Variants in SRCIN1 observed in about 807,000 individuals in gnomAD.
The protein encoded by SRCIN1 is P130Cas-associated protein.
Under a neutral mutation model 116.2 loss-of-function variants are expected in SRCIN1, and 50 were observed. The observed-to-expected ratio is 0.43, with a 90% CI of 0.34 to 0.54. The LOEUF (loss-of-function observed/expected upper bound fraction) is 0.54, where lower values mean the gene tolerates loss of function less well. Ranked by LOEUF, SRCIN1 falls within the 20% of genes least tolerant of loss-of-function variation. The pLI is 0.02. For synonymous variants in SRCIN1, 736 were observed against 750.0 expected (o/e 0.98, Z 0.30); for missense variants, 1,446 against 1,672.0 (o/e 0.86, Z 2.36).
Position 38,563,768 on chromosome 17 carries a change from G to A in SRCIN1, c.542-247C>T. The stretch of plus-strand genomic sequence containing the variant: ...TTGAAGGAACTTGGACAAGGAAATG[G>A]AAGTGGGGGCAGAGCAGGTGGGGCG... On this transcript the variant is annotated intron_variant, in intron 4 of 18. Transcript: ENST00000617146. The surrounding 1 kb of genome is among the most constrained non-coding windows in gnomAD (Gnocchi z 5.8). 4.4e-6 allele frequency: 3 copies of A among 679,870 alleles called. No homozygotes were observed. The highest frequency in any genetic ancestry group is 5.2e-6 in the Non-Finnish European group (2 of 382,604). The allele number at this position is 679,870 out of a possible 1,614,324, so 42.1% of individuals were successfully genotyped here.
At chr17:38,571,741 G>A (rs1907091505) in intron 2 of SRCIN1, among the ~76,000 whole-genome samples, 1 of 152,206 alleles carries the variant, frequency 6.6e-6, no homozygotes, top group Non-Finnish European at 1.5e-5. Context: ...AAGGTAAGAT[G>A]GAAGCATAGG....
chr17:38,576,679 A>G (rs2143303821), intron 2 of SRCIN1, among the ~76,000 whole-genome samples: 1 of 149,656 alleles, frequency 6.7e-6, no homozygotes, highest in Middle Eastern at 3.4e-3. Context: ...CCTCTCCCTC[A>G]CCCCCAAACA....
intron 1 of SRCIN1, among the ~76,000 whole-genome samples, chr17:38,593,584 T>G (rs1299094287): frequency 2.0e-5 from 3 of 152,148 alleles, no homozygotes; most frequent in Admixed American, 2.0e-4. Flanking sequence ...TCAGCAGCAG[T>G]GAGCTCACAG....
At chr17:38,566,740 G>C (rs1302543527) in intron 3 of SRCIN1, among the ~76,000 whole-genome samples, 1 of 152,230 alleles carries the variant, frequency 6.6e-6, no homozygotes, top group Non-Finnish European at 1.5e-5. Context: ...TTCTAGGTTT[G>C]AGAATCAAGG....
At chr17:38,581,038 T>C (rs910540632) in intron 1 of SRCIN1, among the ~76,000 whole-genome samples, 3 of 152,094 alleles carry the variant, frequency 2.0e-5, no homozygotes, top group African/African-American at 7.2e-5. Context: ...TCTTGCTATG[T>C]TGCCCAGGCT....
Position 38,538,820 on chromosome 17 carries a change from A to T in SRCIN1, c.3417+5003T>A, listed in dbSNP as rs141497457. Among the ~76,000 whole-genome samples, 329 of 152,184 alleles carry T rather than the reference A, an allele frequency of 2.2e-3. 3 individuals carry two copies. The highest frequency in any genetic ancestry group is 7.3e-3 in the African/African-American group (302 of 41,508). ...AGACAGCAGAATTTGTAGCAGGCAC[A>T]CTCGGGTTTAAGTCCCAGCTCTGCC... On this transcript the variant is annotated intron_variant, in intron 18 of 18. Transcript: ENST00000617146.
At chr17:38,548,947 T>C (rs1905228613) in intron 16 of SRCIN1, 109 bp downstream of exon 16, 1 of 1,337,490 alleles carries the variant, frequency 7.5e-7, no homozygotes, top group East Asian at 2.5e-5. Flanking sequence ...TTTCCTTCCA[T>C]GTTCTCTGAG....
At chr17:38,537,981 TC>T (rs1301211262) in intron 18 of SRCIN1, among the ~76,000 whole-genome samples, 2 of 150,200 alleles carry the variant, frequency 1.3e-5, no homozygotes, top group East Asian at 3.9e-4. Context: ...GCACCTGTAA[TC>T]CCAGCTACTC....
At position 38,602,449 on chromosome 17, in the gene SRCIN1, G is replaced by A. The variant is rs1028723075; in HGVS notation, c.22+3235C>T. 8.5e-5 allele frequency: 13 copies of A among 152,298 alleles called. No homozygotes were observed. Among genetic ancestry groups the A allele is most frequent in the African/African-American group, 2.9e-4 (12 of 41,420 alleles). The allele number at this position is 152,298 out of a possible 1,614,324, so 9.4% of individuals were successfully genotyped here. On this transcript the variant is annotated intron_variant, in intron 1 of 18. Coordinates refer to ENST00000617146, the MANE Select transcript of SRCIN1 (RefSeq NM_025248.3). This position sits in a 1 kb window ranked among gnomAD's most constrained non-coding sequence, Gnocchi z 4.2. ...CCAGCCCACCCACAGCAGGCAGCCAGGACTTGGGGGGCACAACCTGTCCCC... is the reference window on the plus strand; with the variant it reads ...CCAGCCCACCCACAGCAGGCAGCCAAGACTTGGGGGGCACAACCTGTCCCC...
At chr17:38,559,807 AAACT>A (rs1906106032) in intron 9 of SRCIN1, 35 bp from the exon 10 acceptor site, 3 of 1,471,168 alleles carry the variant, frequency 2.0e-6, no homozygotes, top group Non-Finnish European at 1.8e-6. Context: ...GAAAGTGAAC[AAACT>A]GTGAGCCTGG....
At chr17:38,551,126 C>A in intron 15 of SRCIN1, 29 bp downstream of exon 15, 1 of 1,019,248 alleles carries the variant, frequency 9.8e-7, no homozygotes, top group Non-Finnish European at 1.4e-6. Context: ...CCACGCTGGG[C>A]TCCTTACCAG....
intron 11 of SRCIN1, among the ~76,000 whole-genome samples, chr17:38,557,888 C>A (rs1905911240): frequency 6.6e-6 from 1 of 152,134 alleles, no homozygotes; most frequent in South Asian, 2.1e-4. Context: ...GGGTCACAGG[C>A]CAAAATGAAA....
Position 38,563,626 on chromosome 17 carries a change from G to T in SRCIN1, c.542-105C>A. ...AGCTGCGCCAGCCCCGCAGCGGCAG[G>T]GTCTGAGGCTAGACGCCGCCCCCGA... On this transcript the variant is annotated intron_variant, in intron 4 of 18. Coordinates refer to ENST00000617146, the MANE Select transcript of SRCIN1 (RefSeq NM_025248.3). This position sits in a 1 kb window ranked among gnomAD's most constrained non-coding sequence, Gnocchi z 5.8. The T allele has an allele frequency of 6.9e-7, 1 of 1,454,198 alleles. No homozygotes were observed. The highest frequency in any genetic ancestry group is 2.5e-5 in the East Asian group (1 of 40,490). The allele number at this position is 1,454,198 out of a possible 1,614,324, so 90.1% of individuals were successfully genotyped here.
Position 38,562,895 on chromosome 17 carries a change from T to G in SRCIN1, c.766A>C (p.Lys256Gln), listed in dbSNP as rs768815788. 3 of 1,613,732 alleles carry G rather than the reference T, an allele frequency of 1.9e-6. No individual in the cohort carries two copies. In the East Asian group the frequency reaches 6.7e-5, roughly 36 times the overall value. The change falls in exon 6 of 19, where the codon AAG becomes CAG. Residue 256 changes from lysine (K) to glutamine (Q), a missense_variant. Coordinates refer to ENST00000617146, the MANE Select transcript of SRCIN1 (RefSeq NM_025248.3). The surrounding 1 kb of genome is among the most constrained non-coding windows in gnomAD (Gnocchi z 4.2). ...TAGAGGGGCTCCTTTCTGTAGATCTTGATAATACTGCGGTCCTGGATGTCC... is the reference window on the plus strand; with the variant it reads ...TAGAGGGGCTCCTTTCTGTAGATCTGGATAATACTGCGGTCCTGGATGTCC... ...VRDIQDRSII[K>Q]IYRKEPLYAA... is the part of the protein sequence containing the mutation.
intron 1 of SRCIN1, among the ~76,000 whole-genome samples, chr17:38,589,696 G>C (rs577514786): frequency 6.6e-6 from 1 of 152,214 alleles, no homozygotes; most frequent in Admixed American, 6.5e-5. Context: ...GGGGGCCGGA[G>C]AGCCTCTGCC....
chr17:38,546,741 G>A (rs1217475137), intron 17 of SRCIN1: 1 of 152,714 alleles, frequency 6.5e-6, no homozygotes, highest in Non-Finnish European at 1.5e-5. Flanking sequence ...CCCAGCAGAA[G>A]GCACTGTCCA....
chr17:38,568,691 AG>A lies in SRCIN1; in HGVS notation c.325-461del, dbSNP rs1240970166. Among the ~76,000 whole-genome samples, 1 of 152,010 alleles carries A rather than the reference AG, an allele frequency of 6.6e-6. No individual in the cohort carries two copies. Among genetic ancestry groups the A allele is most frequent in the Non-Finnish European group, 1.5e-5 (1 of 68,020 alleles). Reference sequence around the variant, plus strand: ...GAAGTGCCCAGGGGCAGACAAGTGGAGGGGGGTTGAGGCAAGTCACTAGTCC... The same window carrying A: ...GAAGTGCCCAGGGGCAGACAAGTGGAGGGGGTTGAGGCAAGTCACTAGTCC... On this transcript the variant is annotated intron_variant, in intron 2 of 18. Transcript: ENST00000617146. The surrounding 1 kb of genome is among the most constrained non-coding windows in gnomAD (Gnocchi z 4.5).
Position 38,562,900 on chromosome 17 carries a change from A to G in SRCIN1, c.761T>C (p.Ile254Thr), listed in dbSNP as rs993782484. 6 of 1,613,648 alleles carry G rather than the reference A, an allele frequency of 3.7e-6. No individual in the cohort carries two copies. In the African/African-American group the frequency reaches 6.7e-5, roughly 18 times the overall value. ...GGGCTCCTTTCTGTAGATCTTGATA[A>G]TACTGCGGTCCTGGATGTCCCTGGG... ...EDVRDIQDRS[I>T]IKIYRKEPLY... Residue 254 changes from isoleucine to threonine, a missense_variant, in exon 6 of 19, where the codon ATT becomes ACT. Ile to Thr is a moderately conservative substitution (Grantham distance 89). This residue lies in a region of SRCIN1 where 239 missense variants were observed against 317.7 expected (regional missense o/e 0.75). Coordinates refer to ENST00000617146, the MANE Select transcript of SRCIN1 (RefSeq NM_025248.3). The surrounding 1 kb of genome is among the most constrained non-coding windows in gnomAD (Gnocchi z 4.2).
At chr17:38,578,210 G>T (rs914257942) in intron 2 of SRCIN1, among the ~76,000 whole-genome samples, 3 of 152,216 alleles carry the variant, frequency 2.0e-5, no homozygotes, top group African/African-American at 4.8e-5. Context: ...AGTTAAAGAG[G>T]CTGGGCTCTC....
Sources: allele counts gnomAD v4.1 joint callset (sites outside exome capture counted in the v4.1 genomes callset), GRCh38; gene constraint gnomAD v4.1.1; regional missense constraint gnomAD v4.1.1; non-coding constraint Gnocchi (gnomAD v3.1); transcripts MANE v1.5; gene names NCBI Gene and HGNC (gene_info 2026-07-23, HGNC 2026-07-21).